The following USP32 variants were observed in gnomAD, a reference collection of about 807,000 sequenced individuals.
USP32 encodes the protein ubiquitin specific peptidase 32.
Under a neutral mutation model 204.8 loss-of-function variants are expected in USP32, and 59 were observed. That is an observed-to-expected ratio of 0.29 (90% CI 0.23 to 0.36). The LOEUF (loss-of-function observed/expected upper bound fraction) is 0.36, where lower values mean the gene tolerates loss of function less well. Ranked by LOEUF, USP32 falls within the 10% of genes least tolerant of loss-of-function variation. The probability of loss-of-function intolerance (pLI) is 1.00; values close to 1 mark genes in which losing one functional copy is unlikely to be tolerated. For synonymous variants in USP32, 517 were observed against 678.4 expected (o/e 0.76, Z 3.70); for missense variants, 1,160 against 1,946.4 (o/e 0.60, Z 7.60).
chr17:60,326,934 T>A (rs117732275), intron 2 of USP32, among the ~76,000 whole-genome samples: 6,959 of 151,740 alleles, frequency 0.046, 224 homozygotes, highest in Non-Finnish European at 0.074. Context: ...GTTGATCTCA[T>A]AGAAGTAGAG....
chr17:60,201,379 T>C (rs993334629), intron 26 of USP32, among the ~76,000 whole-genome samples: 4 of 152,188 alleles, frequency 2.6e-5, no homozygotes, highest in African/African-American at 9.7e-5. Flanking sequence ...ACATATCTCC[T>C]GGTACACATA....
chr17:60,354,588 G>C (rs2089025477), intron 1 of USP32, among the ~76,000 whole-genome samples: 4 of 152,108 alleles, frequency 2.6e-5, no homozygotes, highest in Admixed American at 2.6e-4. Flanking sequence ...CCTATCAAAA[G>C]TCACTTTGGT....
intron 11 of USP32, among the ~76,000 whole-genome samples, chr17:60,246,674 C>T (rs1376401168): frequency 6.6e-6 from 1 of 152,162 alleles, no homozygotes; most frequent in African/African-American, 2.4e-5. Flanking sequence ...TGTACTAGCA[C>T]TTCCCTTTCT....
intron 1 of USP32, among the ~76,000 whole-genome samples, chr17:60,417,295 T>G (rs1336788055): frequency 6.6e-6 from 1 of 152,046 alleles, no homozygotes; most frequent in Non-Finnish European, 1.5e-5. Context: ...ACTTATGAAG[T>G]GTAGCATACA....
chr17:60,394,448 G>A (rs1221205233), upstream of USP32, among the ~76,000 whole-genome samples: 2 of 152,214 alleles, frequency 1.3e-5, no homozygotes, highest in Non-Finnish European at 2.9e-5. Context: ...GCAAATTAAT[G>A]TATCTCTTTG....
intron 5 of USP32, among the ~76,000 whole-genome samples, chr17:60,274,245 T>C (rs757709580): frequency 1.3e-5 from 2 of 152,024 alleles, no homozygotes; most frequent in Non-Finnish European, 2.9e-5. Context: ...GGACAGGCAA[T>C]AGAAACTATC....
At chr17:60,190,995 C>T (rs1464189124) in intron 28 of USP32, among the ~76,000 whole-genome samples, 1 of 152,206 alleles carries the variant, frequency 6.6e-6, no homozygotes, top group Non-Finnish European at 1.5e-5. Context: ...TGAGATACTA[C>T]AGCACTCAAG....
chr17:60,400,245 G>T (rs963712473), intron 1 of USP32, among the ~76,000 whole-genome samples: 1 of 152,170 alleles, frequency 6.6e-6, no homozygotes, highest in African/African-American at 2.4e-5. Context: ...GATTACAGGC[G>T]TGAGCCACCA....
intron 7 of USP32, among the ~76,000 whole-genome samples, chr17:60,268,582 CAAA>C (rs57060420): frequency 4.4e-5 from 2 of 45,448 alleles, no homozygotes; most frequent in Admixed American, 2.4e-4. Context: ...GACCCTGTCT[CAAA>C]AAAAAAAAAA....
intron 9 of USP32, among the ~76,000 whole-genome samples, chr17:60,264,250 T>G (rs1656710197): frequency 6.6e-6 from 1 of 151,802 alleles, no homozygotes; most frequent in South Asian, 2.1e-4. Flanking sequence ...GCCAGCACAG[T>G]GGCTCATACC....
At chr17:60,247,465 C>T (rs565115943) in intron 11 of USP32, among the ~76,000 whole-genome samples, 60 of 152,292 alleles carry the variant, frequency 3.9e-4, no homozygotes, top group Non-Finnish European at 6.5e-4. Flanking sequence ...CAGGCATGAG[C>T]CACCTCGCCC....
intron 2 of USP32, among the ~76,000 whole-genome samples, chr17:60,331,555 G>C (rs189073948): frequency 4.7e-5 from 7 of 148,452 alleles, no homozygotes; most frequent in African/African-American, 1.7e-4. Flanking sequence ...ACCAGAGTAA[G>C]ACCCCATCTC....
At chr17:60,349,689 A>G (rs988385081) in intron 1 of USP32, among the ~76,000 whole-genome samples, 3 of 140,904 alleles carry the variant, frequency 2.1e-5, no homozygotes, top group African/African-American at 7.8e-5. Context: ...ACACATATAT[A>G]TATATAGCAA....
At chr17:60,325,582 G>A (rs576379900) in intron 2 of USP32, among the ~76,000 whole-genome samples, 6 of 151,856 alleles carry the variant, frequency 4.0e-5, no homozygotes, top group South Asian at 4.2e-4. Context: ...AGTTAAATAC[G>A]TATCTCTTCT....
At chr17:60,347,997 C>T (rs576643625) in intron 1 of USP32, among the ~76,000 whole-genome samples, 2 of 152,046 alleles carry the variant, frequency 1.3e-5, no homozygotes, top group Admixed American at 1.3e-4. Flanking sequence ...TGGCGGGCAC[C>T]TGTAGTCCCA....
At chr17:60,420,529 C>T (rs1184242996) in intron 1 of USP32, among the ~76,000 whole-genome samples, 1 of 151,964 alleles carries the variant, frequency 6.6e-6, no homozygotes, top group Non-Finnish European at 1.5e-5. Flanking sequence ...TAGCCAGACG[C>T]GGTGGCACAA....
intron 2 of USP32, among the ~76,000 whole-genome samples, chr17:60,307,610 A>C (rs1019850162): frequency 2.0e-5 from 3 of 152,150 alleles, no homozygotes; most frequent in Admixed American, 6.5e-5. Flanking sequence ...AAACTTACTA[A>C]AAACCTATAG....
intron 9 of USP32, among the ~76,000 whole-genome samples, chr17:60,256,185 A>AT (rs1429418717): frequency 1.3e-4 from 20 of 151,870 alleles, no homozygotes; most frequent in African/African-American, 4.6e-4. Context: ...GAAAAAAAAA[A>AT]TAATAAAAAT....
At chr17:60,392,424 G>A (rs773156737), upstream of USP32, 10 of 241,844 alleles carry the variant, frequency 4.1e-5, no homozygotes, top group South Asian at 6.6e-5. Context: ...CGCGCGCCCC[G>A]CCCGGGCGCC....
Sources: allele counts gnomAD v4.1 joint callset (sites outside exome capture counted in the v4.1 genomes callset), GRCh38; gene constraint gnomAD v4.1.1; transcripts MANE v1.5; gene names NCBI Gene and HGNC (gene_info 2026-07-23, HGNC 2026-07-21).